Variants in ATP2B1 observed in about 807,000 individuals in gnomAD.
ATP2B1 encodes ATPase plasma membrane Ca2+ transporting 1.
ATP2B1 carries 14 observed loss-of-function variants against 124.2 expected under a neutral mutation model. The observed-to-expected ratio is 0.11, with a 90% CI of 0.07 to 0.18. ATP2B1 has a LOEUF of 0.18. Ranked by LOEUF, ATP2B1 falls within the 10% of genes least tolerant of loss-of-function variation. ATP2B1 has a pLI of 1.00. For missense variants in ATP2B1, 763 were observed against 1,466.1 expected (o/e 0.52, Z 7.83); for synonymous variants, 449 against 492.4 (o/e 0.91, Z 1.17).
chr12:89,676,580 T>C (rs1440481699), intron 1 of ATP2B1, among the ~76,000 whole-genome samples: 2 of 152,098 alleles, frequency 1.3e-5, no homozygotes, highest in East Asian at 1.9e-4. Context: ...CCAGCTATAT[T>C]ACAATTTTTA....
chr12:89,689,654 CT>C (rs1890335135), intron 1 of ATP2B1, among the ~76,000 whole-genome samples: 1 of 152,092 alleles, frequency 6.6e-6, no homozygotes, highest in Admixed American at 6.6e-5. Context: ...AATACGGCTT[CT>C]TACTCCTTAT....
chr12:89,681,707 G>C (rs999530408), intron 1 of ATP2B1, among the ~76,000 whole-genome samples: 1 of 152,050 alleles, frequency 6.6e-6, no homozygotes, highest in African/African-American at 2.4e-5. Context: ...TGATCAAGTG[G>C]AATTTATACC....
At chr12:89,665,081 G>A (rs1018095946) in intron 1 of ATP2B1, among the ~76,000 whole-genome samples, 1 of 152,018 alleles carries the variant, frequency 6.6e-6, no homozygotes, top group African/African-American at 2.4e-5. Flanking sequence ...TGCCCGCCTC[G>A]GCCTCCCAAA....
chr12:89,703,018 C>T (rs1892038224), intron 1 of ATP2B1, among the ~76,000 whole-genome samples: 1 of 152,150 alleles, frequency 6.6e-6, no homozygotes, highest in Non-Finnish European at 1.5e-5. Context: ...TAGTAAATTA[C>T]AAGCTATGAT....
chr12:89,594,516 C>T (rs1173071596), intron 20 of ATP2B1: 2 of 151,094 alleles, frequency 1.3e-5, no homozygotes, highest in Non-Finnish European at 3.0e-5. Flanking sequence ...ACTTATACCC[C>T]TCGAAATTAT....
intron 19 of ATP2B1, among the ~76,000 whole-genome samples, chr12:89,600,697 A>G (rs903333142): frequency 2.7e-5 from 4 of 145,702 alleles, no homozygotes; most frequent in Non-Finnish European, 3.0e-5. Flanking sequence ...CTCCCTGGCT[A>G]GAGTGCAATG....
intron 2 of ATP2B1, among the ~76,000 whole-genome samples, chr12:89,645,553 G>A (rs964154281): frequency 2.0e-5 from 3 of 152,284 alleles, no homozygotes; most frequent in African/African-American, 7.2e-5. Context: ...GCCTTTCTAA[G>A]GAGCTAACAT....
intron 15 of ATP2B1, among the ~76,000 whole-genome samples, chr12:89,606,851 C>T (rs945972732): frequency 1.3e-5 from 2 of 152,124 alleles, no homozygotes; most frequent in Non-Finnish European, 2.9e-5. Flanking sequence ...GCTGGGATTA[C>T]AGGTGTGAGC....
chr12:89,689,751 T>C (rs891211328), intron 1 of ATP2B1, among the ~76,000 whole-genome samples: 6 of 152,116 alleles, frequency 3.9e-5, no homozygotes, highest in African/African-American at 1.4e-4. Flanking sequence ...GAGATACCTT[T>C]TGTATCCTCA....
At chr12:89,694,626 A>G (rs980186460) in intron 1 of ATP2B1, among the ~76,000 whole-genome samples, 1 of 152,186 alleles carries the variant, frequency 6.6e-6, no homozygotes, top group Non-Finnish European at 1.5e-5. Context: ...AGACAGGAGG[A>G]GCAAGTCCAA....
At chr12:89,695,093 A>G (rs1890992811) in intron 1 of ATP2B1, among the ~76,000 whole-genome samples, 1 of 151,644 alleles carries the variant, frequency 6.6e-6, no homozygotes, top group Non-Finnish European at 1.5e-5. Context: ...TAAGAATAGG[A>G]TACAATGGTA....
At chr12:89,699,871 G>GT (rs1454449477) in intron 1 of ATP2B1, among the ~76,000 whole-genome samples, 1 of 151,958 alleles carries the variant, frequency 6.6e-6, no homozygotes, top group Non-Finnish European at 1.5e-5. Context: ...GACAGAGACG[G>GT]TCTCCCTCTG....
chr12:89,639,775 C>A (rs1883239549), intron 3 of ATP2B1, among the ~76,000 whole-genome samples: 1 of 151,962 alleles, frequency 6.6e-6, no homozygotes, highest in African/African-American at 2.4e-5. Context: ...AGGAAAGGAC[C>A]TGTCACTACA....
At chr12:89,624,701 T>C (rs887727966) in intron 8 of ATP2B1, among the ~76,000 whole-genome samples, 2 of 152,170 alleles carry the variant, frequency 1.3e-5, no homozygotes, top group African/African-American at 2.4e-5. Flanking sequence ...TAAGGAAGTA[T>C]CCAAAGCTTA....
chr12:89,634,779 T>G lies in ATP2B1; in HGVS notation c.786A>C (p.Ser262=). Residue 262 remains serine, a splice_region_variant and synonymous_variant, in exon 5 of 21, where the codon TCA becomes TCC. Transcript: ENST00000428670. ...KSLDKDPLLL[S]GTHVMEGSGR... ...CAAAGATATAAATGAAATTTTTACC[T>G]GATAGAAGTAAGGGATCCTTATCTA... The G allele has an allele frequency of 1.3e-6, 2 of 1,582,290 alleles. No homozygotes were observed. The highest frequency in any genetic ancestry group is 1.2e-5 in the South Asian group (1 of 85,736).
chr12:89,603,954 T>C lies in ATP2B1; in HGVS notation c.2635-29A>G. 1 of 1,603,418 alleles carries C rather than the reference T, an allele frequency of 6.2e-7. No homozygotes were observed. The highest frequency in any genetic ancestry group is 1.7e-4 in the Middle Eastern group (1 of 6,024). ...GAAAAGATATGTTTCCTAATAGACA[T>C]TCACAACTACTCAGGGGCTCAGCAA... is the stretch of plus-strand genomic sequence containing the variant. On this transcript the variant is annotated intron_variant, in intron 16 of 20. Transcript: ENST00000428670. This position sits in a 1 kb window ranked among gnomAD's most constrained non-coding sequence, Gnocchi z 4.3.
At chr12:89,594,288 G>C (rs1263874358) in intron 20 of ATP2B1, 1 of 151,910 alleles carries the variant, frequency 6.6e-6, no homozygotes, top group African/African-American at 2.4e-5. Flanking sequence ...ATTACTTTCT[G>C]TATGTAAAAT....
At chr12:89,672,020 G>C (rs1041876827) in intron 1 of ATP2B1, among the ~76,000 whole-genome samples, 1 of 152,118 alleles carries the variant, frequency 6.6e-6, no homozygotes, top group East Asian at 1.9e-4. Flanking sequence ...ATCATCATTA[G>C]CAATCTCTTC....
intron 5 of ATP2B1, among the ~76,000 whole-genome samples, chr12:89,632,371 T>C (rs1247824521): frequency 6.6e-6 from 1 of 152,220 alleles, no homozygotes; most frequent in Non-Finnish European, 1.5e-5. Flanking sequence ...AGGCCTTTGC[T>C]TCCTTGCTTT....
Sources: allele counts gnomAD v4.1 joint callset (sites outside exome capture counted in the v4.1 genomes callset), GRCh38; gene constraint gnomAD v4.1.1; non-coding constraint Gnocchi (gnomAD v3.1); transcripts MANE v1.5; gene names NCBI Gene and HGNC (gene_info 2026-07-23, HGNC 2026-07-21).